LAMA2: variants seen among roughly 807,000 people sequenced by gnomAD.
LAMA2 encodes laminin subunit alpha-2.
Under a neutral mutation model 364.8 loss-of-function variants are expected in LAMA2, and 269 were observed. The observed-to-expected ratio is 0.74, with a 90% CI of 0.67 to 0.82. LAMA2 has a LOEUF of 0.82. Among genes scored for constraint, LAMA2 ranks in the 40% least tolerant of loss-of-function variants. The pLI, the probability that LAMA2 is intolerant of heterozygous loss-of-function variation, is 0.00. For synonymous variants in LAMA2, 1,379 were observed against 1,370.6 expected (o/e 1.01, Z -0.14); for missense variants, 3,807 against 3,873.2 (o/e 0.98, Z 0.45).
intron 4 of LAMA2, among the ~76,000 whole-genome samples, chr6:129,138,177 G>A (rs1777914014): frequency 6.6e-6 from 1 of 151,874 alleles, no homozygotes; most frequent in South Asian, 2.1e-4. Context: ...GTGAATGAGT[G>A]ATAGACTGAC....
chr6:129,277,100 T>C (rs753334093), intron 17 of LAMA2, among the ~76,000 whole-genome samples: 143 of 152,270 alleles, frequency 9.4e-4, no homozygotes, highest in Admixed American at 1.6e-3. Context: ...TTGTGGAAAA[T>C]GCCCGCTGCT....
chr6:129,336,210 G>A (rs930446908), intron 29 of LAMA2, among the ~76,000 whole-genome samples: 2 of 152,072 alleles, frequency 1.3e-5, no homozygotes, highest in African/African-American at 4.8e-5. Context: ...TGTAATCCTA[G>A]CACTTTTGGA....
intron 1 of LAMA2, among the ~76,000 whole-genome samples, chr6:128,934,903 T>G (rs1779718676): frequency 6.6e-6 from 1 of 152,194 alleles, no homozygotes; most frequent in Admixed American, 6.5e-5. Flanking sequence ...ATTTTAACAA[T>G]ATTAGTTCTT....
At chr6:129,395,169 G>A (rs1481127251) in intron 37 of LAMA2, among the ~76,000 whole-genome samples, 1 of 151,416 alleles carries the variant, frequency 6.6e-6, no homozygotes, top group African/African-American at 2.4e-5. Context: ...ACTCTCCCTG[G>A]GCTAATCTGA....
In LAMA2 at chr6:129,165,603, C is replaced by T; in HGVS notation, c.1234C>T (p.Gln412Ter). Residue 412 changes from glutamine (Q) to a stop codon, truncating the protein, a stop_gained, in exon 9 of 65, where the codon CAG becomes TAG. Coordinates refer to ENST00000421865, the MANE Select transcript of LAMA2 (RefSeq NM_000426.4). LOFTEE classifies it high-confidence loss of function. ...GVSPNYPRPC[Q>*]PCHCDPIGSL... ...ATCTCCAAATTATCCAAGGCCATGC[C>T]AGCCATGTCATTGCGATCCAATTGG... 6.2e-7 allele frequency: 1 copy of T among 1,612,596 alleles called. No individual in the cohort carries two copies. The highest frequency in any genetic ancestry group is 1.3e-5 in the African/African-American group (1 of 74,954).
At chr6:129,423,484 G>C (rs774545715) in intron 40 of LAMA2, among the ~76,000 whole-genome samples, 4 of 151,884 alleles carry the variant, frequency 2.6e-5, no homozygotes, top group Non-Finnish European at 4.4e-5. Context: ...GAGGCCAAGA[G>C]TTTGAGACTA....
At chr6:129,043,005 T>C (rs1201112848) in intron 1 of LAMA2, among the ~76,000 whole-genome samples, 2 of 152,198 alleles carry the variant, frequency 1.3e-5, no homozygotes, top group African/African-American at 4.8e-5. Flanking sequence ...GGACATGTAA[T>C]GTCATTTATC....
chr6:129,091,567 G>A (rs1489619572), intron 3 of LAMA2, among the ~76,000 whole-genome samples: 1 of 152,160 alleles, frequency 6.6e-6, no homozygotes, highest in African/African-American at 2.4e-5. Context: ...ACACTTGTGG[G>A]GGTAGGGGTA....
intron 29 of LAMA2, among the ~76,000 whole-genome samples, chr6:129,340,591 G>A (rs552238297): frequency 3.9e-4 from 59 of 152,070 alleles, no homozygotes; most frequent in Admixed American, 3.5e-3. Flanking sequence ...GGCTGGGCAC[G>A]TTGGGAGGCT....
At chr6:129,470,697 T>C (rs1583826971) in intron 51 of LAMA2, among the ~76,000 whole-genome samples, 1 of 151,822 alleles carries the variant, frequency 6.6e-6, no homozygotes. Flanking sequence ...TATAGGCAGG[T>C]CCCTGAGGAC....
At chr6:128,917,710 C>CTTTCTTTCT (rs1778422202) in intron 1 of LAMA2, among the ~76,000 whole-genome samples, 1 of 102,586 alleles carries the variant, frequency 9.7e-6, no homozygotes, top group Admixed American at 9.8e-5. Flanking sequence ...TTTTTTTTTT[C>CTTTCTTTCT]TTTCTTTCTT....
intron 12 of LAMA2, among the ~76,000 whole-genome samples, chr6:129,217,914 C>G (rs1301140598): frequency 6.6e-6 from 1 of 152,056 alleles, no homozygotes; most frequent in East Asian, 1.9e-4. Flanking sequence ...AAATGTTTCT[C>G]AAAGTCCTTT....
chr6:129,361,802 T>TTTTA (rs1777477513), intron 32 of LAMA2, among the ~76,000 whole-genome samples: 1 of 149,272 alleles, frequency 6.7e-6, no homozygotes, highest in African/African-American at 2.5e-5. Flanking sequence ...TTTTTTTTTT[T>TTTTA]GAGATGGAGT....
intron 9 of LAMA2, among the ~76,000 whole-genome samples, chr6:129,169,417 A>G (rs1779986466): frequency 1.4e-5 from 2 of 147,634 alleles, no homozygotes; most frequent in African/African-American, 2.5e-5. Context: ...CTATTGAGAT[A>G]ATCATGTGGT....
chr6:129,492,881 C>T (rs562587537), intron 58 of LAMA2, among the ~76,000 whole-genome samples: 15 of 152,306 alleles, frequency 9.8e-5, no homozygotes, highest in Non-Finnish European at 1.9e-4. Flanking sequence ...AGGCCAGGCG[C>T]GGTGGCTCAC....
At chr6:129,483,376 CAAGAAT>C (rs750698733) in intron 55 of LAMA2, among the ~76,000 whole-genome samples, 8 of 151,800 alleles carry the variant, frequency 5.3e-5, no homozygotes, top group East Asian at 1.9e-4. Flanking sequence ...AGCACAAGAA[CAAGAAT>C]AAGAACAAAT....
intron 16 of LAMA2, among the ~76,000 whole-genome samples, chr6:129,269,451 T>A (rs970131226): frequency 2.0e-5 from 3 of 152,008 alleles, no homozygotes; most frequent in Non-Finnish European, 4.4e-5. Flanking sequence ...TTAAGATGAT[T>A]TTTATTTGAT....
In LAMA2 at chr6:129,250,177, T is replaced by C; in HGVS notation, c.1848T>C (p.Asp616=). The change falls in exon 13 of 65, where the codon GAT becomes GAC. Residue 616 remains aspartate, a synonymous_variant. Coordinates refer to ENST00000421865, the MANE Select transcript of LAMA2 (RefSeq NM_000426.4). ...ATGACCTTGAAGAAGAGGAAGAAGA[T>C]ACAGAACGTGTTCTCCAGCTTATGA... The part of the protein sequence containing the change: ...ISYDLEEEEE[D]TERVLQLMII... 1.2e-6 allele frequency: 2 copies of C among 1,606,990 alleles called. No homozygotes were observed. The highest frequency in any genetic ancestry group is 8.5e-7 in the Non-Finnish European group (1 of 1,173,864).
Position 129,029,128 on chromosome 6 carries a change from T to A in LAMA2, c.113-20790T>A, listed in dbSNP as rs77756388. Among the ~76,000 whole-genome samples, 954 of 151,970 alleles carry A rather than the reference T, an allele frequency of 6.3e-3. 9 individuals carry two copies. Among genetic ancestry groups the A allele is most frequent in the African/African-American group, 0.022 (924 of 41,538 alleles). ...GAATATGTTAGAAACAAGTAAGAAG[T>A]TCCATATGGAAAACTGATAAGCAAT... On this transcript the variant is annotated intron_variant, in intron 1 of 64. Transcript: ENST00000421865.
Sources: allele counts gnomAD v4.1 joint callset (sites outside exome capture counted in the v4.1 genomes callset), GRCh38; gene constraint gnomAD v4.1.1; transcripts MANE v1.5; gene names NCBI Gene and HGNC (gene_info 2026-07-23, HGNC 2026-07-21).